The following NDUFV2 variants were observed in gnomAD, a reference collection of about 807,000 sequenced individuals.
NDUFV2 encodes the protein NADH dehydrogenase [ubiquinone] flavoprotein 2, mitochondrial.
In NDUFV2, 18 loss-of-function variants were observed where a neutral mutation model predicts 31.6. That is an observed-to-expected ratio of 0.57 (90% CI 0.39 to 0.84). NDUFV2 has a LOEUF of 0.84. Ranked by LOEUF, NDUFV2 falls within the 40% of genes least tolerant of loss-of-function variation. NDUFV2 has a pLI of 0.00. For missense variants in NDUFV2, 314 were observed against 303.6 expected (o/e 1.03, Z -0.26); for synonymous variants, 83 against 99.8 (o/e 0.83, Z 1.01).
At chr18:9,120,733 T>C (rs2077929113) in intron 4 of NDUFV2, among the ~76,000 whole-genome samples, 1 of 152,180 alleles carries the variant, frequency 6.6e-6, no homozygotes, top group Non-Finnish European at 1.5e-5. Flanking sequence ...TGAGTAAACA[T>C]AGGTGGTTAT....
At chr18:9,123,173 T>C (rs2077954559) in intron 5 of NDUFV2, among the ~76,000 whole-genome samples, 1 of 152,216 alleles carries the variant, frequency 6.6e-6, no homozygotes. Context: ...ATGGGCATTT[T>C]CCCCTACAAA....
chr18:9,104,696 G>A (rs925189223), intron 1 of NDUFV2, among the ~76,000 whole-genome samples: 6 of 150,622 alleles, frequency 4.0e-5, no homozygotes, highest in African/African-American at 1.5e-4. Flanking sequence ...CTCTCCATCC[G>A]TCTCCCCTTC....
chr18:9,125,577 TGTAA>T (rs1297307665), intron 6 of NDUFV2, among the ~76,000 whole-genome samples: 1 of 151,946 alleles, frequency 6.6e-6, no homozygotes, highest in Non-Finnish European at 1.5e-5. Context: ...TTCTTTGACC[TGTAA>T]GTTTCTAAAA....
At chr18:9,125,240 T>C (rs1316151282) in intron 6 of NDUFV2, among the ~76,000 whole-genome samples, 1 of 152,196 alleles carries the variant, frequency 6.6e-6, no homozygotes. Flanking sequence ...TGTAGCCAAC[T>C]ATCAGGACTT....
intron 7 of NDUFV2, chr18:9,132,280 G>C (rs886996758): frequency 6.6e-6 from 1 of 152,104 alleles, no homozygotes; most frequent in East Asian, 1.9e-4. Context: ...TTCCTAAATT[G>C]ATCCTTTATG....
At chr18:9,130,771 A>G (rs542767998) in intron 7 of NDUFV2, among the ~76,000 whole-genome samples, 2 of 152,312 alleles carry the variant, frequency 1.3e-5, no homozygotes, top group Non-Finnish European at 2.9e-5. Context: ...TGAAAAACCG[A>G]GAGGAATTAA....
intron 4 of NDUFV2, among the ~76,000 whole-genome samples, chr18:9,121,957 G>C (rs964211923): frequency 6.6e-6 from 1 of 152,188 alleles, no homozygotes; most frequent in African/African-American, 2.4e-5. Context: ...ATGATAATAT[G>C]TGTATACATA....
Position 9,117,813 on chromosome 18 carries a change from ACTTT to A in NDUFV2, c.55-21_55-18del, listed in dbSNP as rs774516396. ...ATTTTTTAAGGCTATGATTTACTAAACTTTCTTAAAATTTTAAATTTTAGGGAAG... is the reference window on the plus strand; with the variant it reads ...ATTTTTTAAGGCTATGATTTACTAAACTTAAAATTTTAAATTTTAGGGAAG... On this transcript the variant is annotated intron_variant, in intron 1 of 7. Transcript: ENST00000318388. 7.7e-6 allele frequency: 11 copies of A among 1,428,712 alleles called. No individual in the cohort carries two copies. The Admixed American group carries it at 1.9e-4, about 24-fold the overall frequency. The allele number at this position is 1,428,712 out of a possible 1,614,324, so 88.5% of individuals were successfully genotyped here.
At chr18:9,114,685 C>G (rs1467359634) in intron 1 of NDUFV2, among the ~76,000 whole-genome samples, 1 of 152,130 alleles carries the variant, frequency 6.6e-6, no homozygotes, top group Admixed American at 6.5e-5. Context: ...CCCAAGGCCT[C>G]AACAACTACA....
At chr18:9,115,329 T>C (rs1355678333) in intron 1 of NDUFV2, among the ~76,000 whole-genome samples, 1 of 152,228 alleles carries the variant, frequency 6.6e-6, no homozygotes, top group Non-Finnish European at 1.5e-5. Flanking sequence ...TTTTTTGTTT[T>C]GTTTAACCCT....
chr18:9,117,059 C>T (rs117323579), intron 1 of NDUFV2, among the ~76,000 whole-genome samples: 3,072 of 148,014 alleles, frequency 0.021, 48 homozygotes, highest in Middle Eastern at 0.054. Context: ...TTTTTTGAGA[C>T]GGAGCCTTGC....
intron 7 of NDUFV2, among the ~76,000 whole-genome samples, chr18:9,130,926 G>GT (rs2078034604): frequency 6.6e-6 from 1 of 152,180 alleles, no homozygotes; most frequent in Non-Finnish European, 1.5e-5. Context: ...TAAAGCAGTG[G>GT]TAAGATAATA....
At chr18:9,123,474 T>C (rs2144749097) in intron 5 of NDUFV2, among the ~76,000 whole-genome samples, 1 of 152,310 alleles carries the variant, frequency 6.6e-6, no homozygotes, top group South Asian at 2.1e-4. Context: ...ACAATATATA[T>C]GTCTGCCTCA....
chr18:9,128,216 T>C (rs2078008845), intron 7 of NDUFV2, among the ~76,000 whole-genome samples: 1 of 152,228 alleles, frequency 6.6e-6, no homozygotes, highest in South Asian at 2.1e-4. Flanking sequence ...TGTGATGTGC[T>C]CTTACTCCCG....
chr18:9,126,950 A>C, intron 7 of NDUFV2, 43 bp downstream of exon 7: 1 of 1,466,874 alleles, frequency 6.8e-7, no homozygotes, highest in Non-Finnish European at 9.6e-7. Flanking sequence ...GGCTCACCTA[A>C]ATTAATCTTT....
chr18:9,119,301 C>A (rs773557435), intron 2 of NDUFV2, 25 bp from the exon 3 acceptor site: 1 of 1,587,150 alleles, frequency 6.3e-7, no homozygotes. Flanking sequence ...TTGGATAAGT[C>A]TGAAAAACTG....
chr18:9,122,039 T>G (rs2077940822), intron 4 of NDUFV2, among the ~76,000 whole-genome samples: 1 of 152,162 alleles, frequency 6.6e-6, no homozygotes, highest in Non-Finnish European at 1.5e-5. Flanking sequence ...ATTTTCAACC[T>G]TTTTTTCTGT....
At chr18:9,105,592 G>A (rs1332082939) in intron 1 of NDUFV2, among the ~76,000 whole-genome samples, 3 of 152,196 alleles carry the variant, frequency 2.0e-5, no homozygotes, top group Admixed American at 6.5e-5. Context: ...AGGTGAGAGG[G>A]TTGTGGTGGC....
intron 6 of NDUFV2, 117 bp downstream of exon 6, chr18:9,125,100 G>GT: frequency 9.0e-7 from 1 of 1,115,178 alleles, no homozygotes; most frequent in Non-Finnish European, 1.3e-6. Context: ...AGAAGAAATG[G>GT]TTACCATAAA....
Sources: allele counts gnomAD v4.1 joint callset (sites outside exome capture counted in the v4.1 genomes callset), GRCh38; gene constraint gnomAD v4.1.1; transcripts MANE v1.5; gene names NCBI Gene and HGNC (gene_info 2026-07-23, HGNC 2026-07-21).